Variants in GSTCD observed in about 807,000 individuals in gnomAD.
GSTCD encodes glutathione S-transferase C-terminal domain containing.
A neutral mutation model predicts 68.3 loss-of-function variants in GSTCD; 44 were observed. The ratio of observed to expected loss-of-function variants is 0.64; its 90% CI spans 0.51 to 0.83. The LOEUF (loss-of-function observed/expected upper bound fraction) is 0.83. Ranked by LOEUF, GSTCD falls within the 40% of genes least tolerant of loss-of-function variation. The pLI is 0.00. For synonymous variants in GSTCD, 273 were observed against 255.2 expected (o/e 1.07, Z -0.67); for missense variants, 739 against 735.9 (o/e 1.00, Z -0.05).
At chr4:105,770,355 T>C (rs1279760569) in intron 5 of GSTCD, among the ~76,000 whole-genome samples, 2 of 117,126 alleles carry the variant, frequency 1.7e-5, no homozygotes, top group Non-Finnish European at 3.9e-5. Context: ...GTCTGTTCCT[T>C]ATACTTTTTT....
intron 7 of GSTCD, among the ~76,000 whole-genome samples, chr4:105,823,931 T>C (rs979075125): frequency 6.6e-6 from 1 of 152,220 alleles, no homozygotes; most frequent in Non-Finnish European, 1.5e-5. Flanking sequence ...TATATCAGAA[T>C]GTATTCAATC....
At chr4:105,791,042 C>G in intron 5 of GSTCD, among the ~76,000 whole-genome samples, 1 of 151,874 alleles carries the variant, frequency 6.6e-6, no homozygotes. Context: ...AAAAAACAAT[C>G]CAGAACAGAA....
At position 105,845,454 on chromosome 4, in the gene GSTCD, G is replaced by T. The variant is rs371851801; in HGVS notation, c.1779G>T (p.Met593Ile). The T allele has an allele frequency of 1.9e-6, 3 of 1,614,040 alleles. No homozygotes were observed. Among genetic ancestry groups the T allele is most frequent in the African/African-American group, 1.3e-5 (1 of 74,924 alleles). Residue 593 changes from methionine (M) to isoleucine (I), a missense_variant, in exon 12 of 12, where the codon ATG (methionine) becomes ATT (isoleucine). Physicochemically the swap from Met to Ile is conservative, Grantham distance 10 (BLOSUM62 1). Transcript: ENST00000515279. ...PQRRLIGKQCMCLVDLDRARA... is the reference protein window; with the variant it reads ...PQRRLIGKQCICLVDLDRARA... ...ACTGTGTTTCAGGAAAACAGTGCAT[G>T]TGCTTGGTGGATCTGGATCGAGCAA... is the stretch of plus-strand genomic sequence containing the variant.
chr4:105,781,260 T>C (rs960028538), intron 5 of GSTCD, among the ~76,000 whole-genome samples: 3 of 152,188 alleles, frequency 2.0e-5, no homozygotes, highest in Non-Finnish European at 2.9e-5. Context: ...CTTTTCTTTT[T>C]AATTTTTGAG....
At chr4:105,748,539 T>C (rs968477789) in intron 5 of GSTCD, among the ~76,000 whole-genome samples, 1 of 152,158 alleles carries the variant, frequency 6.6e-6, no homozygotes, top group African/African-American at 2.4e-5. Context: ...TTTAAACTTA[T>C]TTTTAATCTG....
chr4:105,726,160 ATATAG>A (rs1479392150), intron 3 of GSTCD, among the ~76,000 whole-genome samples: 1 of 152,184 alleles, frequency 6.6e-6, no homozygotes, highest in Non-Finnish European at 1.5e-5. Flanking sequence ...AGTAAGCAAA[ATATAG>A]TATATCCACA....
chr4:105,838,339 T>C (rs988776103), intron 10 of GSTCD, among the ~76,000 whole-genome samples: 5 of 152,252 alleles, frequency 3.3e-5, no homozygotes, highest in Non-Finnish European at 7.3e-5. Flanking sequence ...GTTTACTCTG[T>C]AAACGTGCTT....
At chr4:105,807,179 C>T (rs1179443503) in intron 5 of GSTCD, 3 of 151,990 alleles carry the variant, frequency 2.0e-5, no homozygotes, top group Non-Finnish European at 4.4e-5. Context: ...ACTATTTTGC[C>T]TTACCTTCCC....
chr4:105,841,812 C>T (rs1334348817), intron 10 of GSTCD, among the ~76,000 whole-genome samples: 1 of 152,118 alleles, frequency 6.6e-6, no homozygotes, highest in Non-Finnish European at 1.5e-5. Context: ...GATTGCGCCA[C>T]TGCACTCCAG....
intron 5 of GSTCD, among the ~76,000 whole-genome samples, chr4:105,809,022 A>G (rs1722644765): frequency 6.6e-6 from 1 of 152,130 alleles, no homozygotes; most frequent in Admixed American, 6.6e-5. Flanking sequence ...AAGAGAAGCT[A>G]TAAAGTGCAA....
chr4:105,715,488 A>T (rs574015679), intron 1 of GSTCD, among the ~76,000 whole-genome samples: 157 of 152,168 alleles, frequency 1.0e-3, no homozygotes, highest in Admixed American at 3.1e-3. Context: ...GTAACAAATC[A>T]TGGTATATAT....
intron 11 of GSTCD, 89 bp from the exon 12 acceptor site, chr4:105,845,352 A>T: frequency 6.9e-7 from 1 of 1,453,866 alleles, no homozygotes; most frequent in Non-Finnish European, 9.6e-7. Context: ...GTACTTGCAG[A>T]TTTTGTCACT....
intron 5 of GSTCD, among the ~76,000 whole-genome samples, chr4:105,767,425 A>T (rs1734660239): frequency 6.6e-6 from 1 of 152,162 alleles, no homozygotes; most frequent in Non-Finnish European, 1.5e-5. Context: ...TCTACATTAG[A>T]ATCGTTTCAT....
At chr4:105,710,221 T>C (rs1054622528) in intron 1 of GSTCD, among the ~76,000 whole-genome samples, 4 of 141,992 alleles carry the variant, frequency 2.8e-5, no homozygotes, top group Admixed American at 1.5e-4. Flanking sequence ...TCTGTAGTAG[T>C]GGGCCCATCA....
intron 1 of GSTCD, among the ~76,000 whole-genome samples, chr4:105,712,141 G>C (rs182930295): frequency 9.2e-5 from 14 of 152,264 alleles, no homozygotes; most frequent in Admixed American, 5.2e-4. Context: ...TTGAACTAAA[G>C]TTTCAGTTCA....
At chr4:105,761,519 ATATT>A (rs1351193703) in intron 5 of GSTCD, 2 of 152,166 alleles carry the variant, frequency 1.3e-5, no homozygotes, top group Non-Finnish European at 2.9e-5. Context: ...TAAATTTACT[ATATT>A]TATTAAATAT....
At chr4:105,797,046 A>ATGTGTGTG (rs201988913) in intron 5 of GSTCD, among the ~76,000 whole-genome samples, 351 of 145,612 alleles carry the variant, frequency 2.4e-3, no homozygotes, top group Non-Finnish European at 3.2e-3. Flanking sequence ...ACAGAGATAC[A>ATGTGTGTG]TGTGTGTGTG....
At position 105,847,285 on chromosome 4, in the gene GSTCD, T is replaced by C. The variant is rs1336512505; in HGVS notation, c.*1708T>C. On this transcript the variant is annotated 3_prime_UTR_variant, in exon 12 of 12. Transcript: ENST00000515279. ...ACTATGGATTAAAATATAGGAATATTTTACAGGGCAGTATGGGTGGGGGTG... is the reference window on the plus strand; with the variant it reads ...ACTATGGATTAAAATATAGGAATATCTTACAGGGCAGTATGGGTGGGGGTG... The C allele has an allele frequency of 1.3e-5, 2 of 151,978 alleles. No homozygotes were observed. The highest frequency in any genetic ancestry group is 2.9e-5 in the Non-Finnish European group (2 of 68,006). 9.4% of individuals were successfully genotyped at this position (151,978 alleles called of 1,614,324 possible).
intron 5 of GSTCD, among the ~76,000 whole-genome samples, chr4:105,766,768 A>G (rs1734622334): frequency 6.6e-6 from 1 of 151,890 alleles, no homozygotes; most frequent in East Asian, 1.9e-4. Context: ...GCTGTTATAA[A>G]TTACTCTGAC....
Sources: allele counts gnomAD v4.1 joint callset (sites outside exome capture counted in the v4.1 genomes callset), GRCh38; gene constraint gnomAD v4.1.1; transcripts MANE v1.5; gene names NCBI Gene and HGNC (gene_info 2026-07-23, HGNC 2026-07-21).